SGCZ: variants seen among roughly 807,000 people sequenced by gnomAD.
SGCZ encodes the protein zeta-sarcoglycan.
A neutral mutation model predicts 41.3 loss-of-function variants in SGCZ; 40 were observed. The observed-to-expected ratio is 0.97, with a 90% CI of 0.75 to 1.26. SGCZ has a LOEUF of 1.26. Ranked by LOEUF, SGCZ falls within the 50% of genes most tolerant of loss-of-function variation. The probability of loss-of-function intolerance (pLI) is 0.00; values close to 1 mark genes in which losing one functional copy is unlikely to be tolerated. For synonymous variants in SGCZ, 206 were observed against 137.5 expected (o/e 1.50, Z -3.49); for missense variants, 552 against 369.8 (o/e 1.49, Z -4.04).
At chr8:14,697,687 A>C (rs890735506) in intron 1 of SGCZ, among the ~76,000 whole-genome samples, 1 of 151,978 alleles carries the variant, frequency 6.6e-6, no homozygotes, top group African/African-American at 2.4e-5. Context: ...TCTCATTGCC[A>C]ATTATCTTCC....
At chr8:14,361,208 G>C (rs1281455564) in intron 2 of SGCZ, among the ~76,000 whole-genome samples, 1 of 152,060 alleles carries the variant, frequency 6.6e-6, no homozygotes, top group Non-Finnish European at 1.5e-5. Flanking sequence ...CATGTGGTTT[G>C]AGAAAATTTG....
rs185327591 is a variant in SGCZ, at chr8:15,085,994, T to C, written c.39+151591A>G. 9.2e-4 allele frequency among the ~76,000 whole-genome samples: 140 copies of C among 152,362 alleles called. No individual in the cohort carries two copies. In the Middle Eastern group the frequency reaches 0.014, roughly 15 times the overall value. ...TTATATTCTTCTGCATTTAAGAACA[T>C]ACTTTCCGTGTTATTTTTAATTAAT... On this transcript the variant is annotated intron_variant, in intron 1 of 7. Coordinates refer to ENST00000382080, the MANE Select transcript of SGCZ (RefSeq NM_139167.4).
intron 1 of SGCZ, among the ~76,000 whole-genome samples, chr8:14,855,805 G>A (rs1012421425): frequency 2.0e-5 from 3 of 152,118 alleles, no homozygotes; most frequent in Non-Finnish European, 4.4e-5. Flanking sequence ...AGGCAGCCTA[G>A]TGATGGTTTT....
intron 3 of SGCZ, among the ~76,000 whole-genome samples, chr8:14,279,706 C>G (rs1400637657): frequency 6.6e-6 from 1 of 152,090 alleles, no homozygotes; most frequent in African/African-American, 2.4e-5. Flanking sequence ...CTCAAATAGA[C>G]TACACATGAA....
In SGCZ at chr8:14,220,875, G is replaced by C. The variant is rs111420614; in HGVS notation, c.424+16717C>G. ...TTTAAAGGTGTGGGAAGCAAAAAAG[G>C]AAATAGCATTTCAAAATTTGTTATC... On this transcript the variant is annotated intron_variant, in intron 4 of 7. Coordinates refer to ENST00000382080, the MANE Select transcript of SGCZ (RefSeq NM_139167.4). 6.9e-3 allele frequency among the ~76,000 whole-genome samples: 1,052 copies of C among 152,226 alleles called. 21 individuals carry two copies. The highest frequency in any genetic ancestry group is 0.024 in the African/African-American group (1,010 of 41,542).
intron 1 of SGCZ, among the ~76,000 whole-genome samples, chr8:15,074,900 G>T (rs1036740319): frequency 6.6e-6 from 1 of 152,128 alleles, no homozygotes; most frequent in African/African-American, 2.4e-5. Flanking sequence ...CTGAGTACCT[G>T]TGTATCTCTG....
intron 2 of SGCZ, among the ~76,000 whole-genome samples, chr8:14,466,909 G>T (rs183296407): frequency 1.9e-4 from 29 of 151,780 alleles, no homozygotes; most frequent in East Asian, 1.7e-3. Context: ...GAAGACCAGT[G>T]TATTAAAATC....
At chr8:14,100,846 G>T (rs1801997741) in intron 7 of SGCZ, among the ~76,000 whole-genome samples, 1 of 151,782 alleles carries the variant, frequency 6.6e-6, no homozygotes, top group Admixed American at 6.6e-5. Context: ...AAATACTCCA[G>T]AACATGCCTC....
At chr8:14,675,217 G>A (rs1470166643) in intron 1 of SGCZ, among the ~76,000 whole-genome samples, 1 of 151,760 alleles carries the variant, frequency 6.6e-6, no homozygotes, top group Non-Finnish European at 1.5e-5. Flanking sequence ...TGGGATTACA[G>A]GTGTGAGCCA....
chr8:14,124,637 G>A (rs899922660), intron 5 of SGCZ, among the ~76,000 whole-genome samples: 3 of 152,106 alleles, frequency 2.0e-5, no homozygotes, highest in Admixed American at 1.3e-4. Flanking sequence ...CATATCTTAA[G>A]TTTCCAATTT....
At chr8:14,110,162 T>C (rs75831264) in intron 5 of SGCZ, among the ~76,000 whole-genome samples, 1,790 of 152,268 alleles carry the variant, frequency 0.012, 35 homozygotes, top group African/African-American at 0.04. Flanking sequence ...TTTGTGATTA[T>C]AGTGGGGATA....
At chr8:14,302,234 C>T (rs964676968) in intron 3 of SGCZ, among the ~76,000 whole-genome samples, 5 of 152,076 alleles carry the variant, frequency 3.3e-5, no homozygotes, top group Admixed American at 6.6e-5. Context: ...ATAATATACC[C>T]TCTAACATGA....
chr8:14,755,506 G>C (rs1799636051), intron 1 of SGCZ, among the ~76,000 whole-genome samples: 1 of 152,198 alleles, frequency 6.6e-6, no homozygotes, highest in East Asian at 1.9e-4. Context: ...TTTTATAATT[G>C]TCTATGATAG....
chr8:14,432,369 G>A (rs1310999395), intron 2 of SGCZ, among the ~76,000 whole-genome samples: 1 of 152,186 alleles, frequency 6.6e-6, no homozygotes, highest in Non-Finnish European at 1.5e-5. Context: ...TGAAATAATG[G>A]CATTTGCAGT....
chr8:15,141,315 G>T (rs1287863356), intron 1 of SGCZ, among the ~76,000 whole-genome samples: 1 of 152,218 alleles, frequency 6.6e-6, no homozygotes, highest in Non-Finnish European at 1.5e-5. Flanking sequence ...AAGATCTGTT[G>T]ATTCCATGTT....
intron 2 of SGCZ, among the ~76,000 whole-genome samples, chr8:14,400,006 C>G (rs557234497): frequency 1.3e-5 from 2 of 152,114 alleles, no homozygotes; most frequent in African/African-American, 2.4e-5. Context: ...TTTCCTCCCC[C>G]GTTAAGCCCC....
intron 2 of SGCZ, among the ~76,000 whole-genome samples, chr8:14,326,110 T>TAAAAAAAAAAAA (rs1464670022): frequency 0.01 from 2 of 194 alleles, no homozygotes; most frequent in South Asian, 0.5. Context: ...AGACTCCGTC[T>TAAAAAAAAAAAA]CAAAAAAAAA....
intron 1 of SGCZ, among the ~76,000 whole-genome samples, chr8:14,666,597 C>A (rs1017786935): frequency 1.3e-5 from 2 of 150,290 alleles, no homozygotes; most frequent in African/African-American, 4.9e-5. Context: ...ACATATTTAT[C>A]AGTCTTTGGA....
At chr8:14,117,407 TCTGTGTGTG>T (rs148082569) in intron 5 of SGCZ, among the ~76,000 whole-genome samples, 26,332 of 96,812 alleles carry the variant, frequency 0.27, 3,111 homozygotes, top group East Asian at 0.68. Flanking sequence ...GATGCACACA[TCTGTGTGTG>T]TGTGTGTGTG....
Sources: allele counts gnomAD v4.1 joint callset (sites outside exome capture counted in the v4.1 genomes callset), GRCh38; gene constraint gnomAD v4.1.1; transcripts MANE v1.5; gene names NCBI Gene and HGNC (gene_info 2026-07-23, HGNC 2026-07-21).